CHN1: variants seen among roughly 807,000 people sequenced by gnomAD.
CHN1 encodes the protein chimerin 1.
Under a neutral mutation model 59.5 loss-of-function variants are expected in CHN1, and 37 were observed. The ratio of observed to expected loss-of-function variants is 0.62; its 90% CI spans 0.48 to 0.82. CHN1 has a LOEUF of 0.82. Ranked by LOEUF, CHN1 falls within the 40% of genes least tolerant of loss-of-function variation. The pLI is 0.00. For missense variants in CHN1, 469 were observed against 571.0 expected (o/e 0.82, Z 1.82); for synonymous variants, 206 against 200.4 (o/e 1.03, Z -0.24).
chr2:174,863,022 A>G (rs2105455153), intron 6 of CHN1, among the ~76,000 whole-genome samples: 1 of 152,314 alleles, frequency 6.6e-6, no homozygotes, highest in South Asian at 2.1e-4. Flanking sequence ...TCAATGATAA[A>G]ATTAAAACTT....
intron 3 of CHN1, among the ~76,000 whole-genome samples, chr2:174,925,874 C>T (rs2105381669): frequency 6.6e-6 from 1 of 152,314 alleles, no homozygotes; most frequent in East Asian, 1.9e-4. Context: ...ACCCAACTGC[C>T]TCAGGCACAT....
chr2:174,823,005 C>T (rs1685552467), intron 8 of CHN1, among the ~76,000 whole-genome samples: 1 of 152,184 alleles, frequency 6.6e-6, no homozygotes. Context: ...GGAATAATAA[C>T]TGAAAGAAGA....
chr2:174,865,942 C>T (rs1687204295), intron 6 of CHN1, among the ~76,000 whole-genome samples: 1 of 152,056 alleles, frequency 6.6e-6, no homozygotes, highest in South Asian at 2.1e-4. Flanking sequence ...TATTGAGGCC[C>T]AGAGAGGTTA....
intron 6 of CHN1, among the ~76,000 whole-genome samples, chr2:174,860,415 T>C (rs1190568143): frequency 6.6e-6 from 1 of 152,104 alleles, no homozygotes. Flanking sequence ...AAAAATAAAT[T>C]TTTGGGTGCT....
chr2:174,998,096 A>G (rs1691769675), intron 1 of CHN1, among the ~76,000 whole-genome samples: 1 of 151,792 alleles, frequency 6.6e-6, no homozygotes, highest in Non-Finnish European at 1.5e-5. Flanking sequence ...TGAGGTCAGG[A>G]GTTCAAGACC....
intron 2 of CHN1, among the ~76,000 whole-genome samples, chr2:174,948,483 T>C (rs1689915023): frequency 6.6e-6 from 1 of 152,210 alleles, no homozygotes; most frequent in South Asian, 2.1e-4. Flanking sequence ...AACTTAGACT[T>C]CTTGCTAATT....
chr2:174,861,912 C>T (rs1470205660), intron 6 of CHN1, among the ~76,000 whole-genome samples: 1 of 152,098 alleles, frequency 6.6e-6, no homozygotes, highest in Non-Finnish European at 1.5e-5. Context: ...TGTAAAGTGC[C>T]ATGAACATTT....
chr2:174,829,817 T>A (rs1558942070), intron 7 of CHN1, among the ~76,000 whole-genome samples: 1 of 152,052 alleles, frequency 6.6e-6, no homozygotes, highest in African/African-American at 2.4e-5. Context: ...ATGAACAAAA[T>A]CAAAACGAAA....
chr2:174,836,239 G>A (rs2105418916), intron 7 of CHN1, among the ~76,000 whole-genome samples: 1 of 152,258 alleles, frequency 6.6e-6, no homozygotes, highest in Middle Eastern at 3.4e-3. Flanking sequence ...TCTTTCAGTT[G>A]TCACAGTTCT....
chr2:174,883,966 T>C (rs934918202), intron 5 of CHN1, among the ~76,000 whole-genome samples: 1 of 114,440 alleles, frequency 8.7e-6, no homozygotes, highest in African/African-American at 4.3e-5. Context: ...GTCTAACTTC[T>C]TTTTTTTTTT....
chr2:174,834,737 C>T (rs978129496), intron 7 of CHN1, among the ~76,000 whole-genome samples: 13 of 152,132 alleles, frequency 8.5e-5, no homozygotes, highest in African/African-American at 3.1e-4. Flanking sequence ...TCAAAGTTGA[C>T]ATATCTGTCC....
intron 1 of CHN1, among the ~76,000 whole-genome samples, chr2:174,990,818 T>C (rs544130459): frequency 1.3e-3 from 204 of 152,314 alleles, no homozygotes; most frequent in Non-Finnish European, 2.3e-3. Flanking sequence ...TTTAATTACA[T>C]ATGCTGTACA....
intron 4 of CHN1, among the ~76,000 whole-genome samples, chr2:174,916,916 G>A (rs1048923986): frequency 6.6e-6 from 1 of 152,204 alleles, no homozygotes; most frequent in Non-Finnish European, 1.5e-5. Context: ...AACTGGCTGG[G>A]CGCAGTAGCT....
At position 174,864,393 on chromosome 2, in the gene CHN1, C is replaced by T. The variant is rs1687153068; in HGVS notation, c.549+13447G>A. Among the ~76,000 whole-genome samples the T allele has an allele frequency of 1.3e-5, 2 of 152,036 alleles. 1 individual carries two copies. The highest frequency in any genetic ancestry group is 1.3e-4 in the Admixed American group (2 of 15,256). On this transcript the variant is annotated intron_variant, in intron 6 of 12. Transcript: ENST00000409900. The stretch of plus-strand genomic sequence containing the variant: ...AACTGTCAAACTGAGTTTAAGTCAA[C>T]TGTTGAAGACGTAAATGTATGCTGA...
intron 7 of CHN1, chr2:174,836,985 C>G (rs557489722): frequency 6.6e-6 from 1 of 152,244 alleles, no homozygotes; most frequent in Non-Finnish European, 1.5e-5. Context: ...GCATTTTAAG[C>G]CCCTAAGTCA....
At chr2:174,814,501 C>T (rs1320605874) in intron 8 of CHN1, among the ~76,000 whole-genome samples, 2 of 152,148 alleles carry the variant, frequency 1.3e-5, no homozygotes, top group East Asian at 3.8e-4. Flanking sequence ...TCTTAGAGTT[C>T]AGTCTAGAAT....
At position 174,959,104 on chromosome 2, in the gene CHN1, A is replaced by G. The variant is rs555531320; in HGVS notation, c.20-6902T>C. 2.6e-5 allele frequency among the ~76,000 whole-genome samples: 4 copies of G among 152,326 alleles called. No individual in the cohort carries two copies. The South Asian group carries it at 8.3e-4, about 32-fold the overall frequency. ...ACAATTCTAATTAATGACATTTAAGAGCACTGTTTAGGTTTTAAATATATT... is the reference window on the plus strand; with the variant it reads ...ACAATTCTAATTAATGACATTTAAGGGCACTGTTTAGGTTTTAAATATATT... On this transcript the variant is annotated intron_variant, in intron 1 of 12. Coordinates refer to ENST00000409900, the MANE Select transcript of CHN1 (RefSeq NM_001822.7).
intron 5 of CHN1, among the ~76,000 whole-genome samples, chr2:174,891,140 C>CAACA (rs1225900846): frequency 6.1e-4 from 15 of 24,414 alleles, no homozygotes; most frequent in African/African-American, 1.6e-3. Flanking sequence ...GACTCCATCT[C>CAACA]AAAAAAAAAA....
chr2:174,865,478 A>C (rs951357506), intron 6 of CHN1, among the ~76,000 whole-genome samples: 7 of 152,112 alleles, frequency 4.6e-5, no homozygotes, highest in Admixed American at 2.6e-4. Flanking sequence ...ATTCACCATA[A>C]ACCTATCACC....
Sources: allele counts gnomAD v4.1 joint callset (sites outside exome capture counted in the v4.1 genomes callset), GRCh38; gene constraint gnomAD v4.1.1; transcripts MANE v1.5; gene names NCBI Gene and HGNC (gene_info 2026-07-23, HGNC 2026-07-21).